CDK15: variants seen among roughly 807,000 people sequenced by gnomAD.
CDK15 encodes the protein cyclin dependent kinase 15, also known as cyclin-dependent kinase 15.
CDK15 carries 62 observed loss-of-function variants against 60.3 expected under a neutral mutation model. That is an observed-to-expected ratio of 1.03 (90% CI 0.84 to 1.27). The LOEUF is 1.27. Among genes scored for constraint, CDK15 ranks in the 50% most tolerant of loss-of-function variants. The pLI is 0.00. For synonymous variants in CDK15, 194 were observed against 195.7 expected (o/e 0.99, Z 0.07); for missense variants, 541 against 527.8 (o/e 1.03, Z -0.25).
intron 3 of CDK15, 50 bp downstream of exon 3, chr2:201,808,002 C>A: frequency 6.7e-7 from 1 of 1,488,900 alleles, no homozygotes; most frequent in South Asian, 1.2e-5. Context: ...GTCCCGCCCC[C>A]CCAATTTCAT....
At chr2:201,891,540 T>C (rs552591577) in intron 13 of CDK15, among the ~76,000 whole-genome samples, 2 of 152,262 alleles carry the variant, frequency 1.3e-5, no homozygotes, top group South Asian at 4.1e-4. Flanking sequence ...GGATGGTTGG[T>C]CACCTTTGTG....
intron 7 of CDK15, among the ~76,000 whole-genome samples, chr2:201,834,760 T>A (rs978556809): frequency 6.6e-6 from 1 of 152,226 alleles, no homozygotes; most frequent in Non-Finnish European, 1.5e-5. Flanking sequence ...GGAACCACTC[T>A]TCTCTGTTTG....
At chr2:201,872,477 C>T in intron 11 of CDK15, 151 bp downstream of exon 11, 1 of 750,182 alleles carries the variant, frequency 1.3e-6, no homozygotes. Flanking sequence ...AAGCGCCAGA[C>T]CCCTGAGAGT....
chr2:201,812,454 G>C (rs771471672), intron 3 of CDK15, 29 bp from the exon 4 acceptor site: 3 of 1,535,500 alleles, frequency 2.0e-6, no homozygotes, highest in Non-Finnish European at 2.7e-6. Context: ...ACCTCAATAA[G>C]TGTGTGCCCC....
chr2:201,807,832 T>C (rs1478492157), intron 2 of CDK15, 26 bp from the exon 3 acceptor site: 1 of 1,590,402 alleles, frequency 6.3e-7, no homozygotes, highest in Non-Finnish European at 8.5e-7. Flanking sequence ...TTTCACCCGC[T>C]CCTTTTCCCC....
intron 4 of CDK15, among the ~76,000 whole-genome samples, chr2:201,816,558 T>C (rs1186063297): frequency 6.7e-6 from 1 of 148,326 alleles, no homozygotes; most frequent in Non-Finnish European, 1.5e-5. Context: ...CTAGGTTGAG[T>C]CCATGTCTTT....
intron 12 of CDK15, among the ~76,000 whole-genome samples, chr2:201,886,163 C>G (rs1192588025): frequency 1.3e-5 from 2 of 152,104 alleles, no homozygotes; most frequent in African/African-American, 4.8e-5. Flanking sequence ...CCACACATCT[C>G]CAGGTAGCGT....
intron 3 of CDK15, among the ~76,000 whole-genome samples, chr2:201,810,860 T>C (rs1441872270): frequency 2.9e-5 from 4 of 139,704 alleles, no homozygotes; most frequent in Non-Finnish European, 4.6e-5. Flanking sequence ...TTTTTTTTTT[T>C]CTCAGATGGA....
intron 11 of CDK15, among the ~76,000 whole-genome samples, chr2:201,878,767 G>A (rs993316035): frequency 3.3e-5 from 5 of 152,198 alleles, no homozygotes; most frequent in African/African-American, 1.2e-4. Flanking sequence ...TGGGCAAGGG[G>A]TCTCTGCTTC....
intron 8 of CDK15, among the ~76,000 whole-genome samples, chr2:201,845,333 T>C (rs1697603792): frequency 6.6e-6 from 1 of 152,210 alleles, no homozygotes; most frequent in South Asian, 2.1e-4. Flanking sequence ...CAGGATAAGA[T>C]ACAAATAAAT....
chr2:201,835,708 C>T lies in CDK15; in HGVS notation c.796C>T (p.Arg266Trp), dbSNP rs138476978. The T allele has an allele frequency of 9.3e-5, 149 of 1,610,804 alleles. 2 individuals are homozygous for T. Among genetic ancestry groups the T allele is most frequent in the South Asian group, 7.9e-4 (72 of 90,718 alleles). ...TTCAGAAGTCGTGACCCTCTGGTACCGGCCCCCTGATGCTTTGCTGGGAGC... is the reference window on the plus strand; with the variant it reads ...TTCAGAAGTCGTGACCCTCTGGTACTGGCCCCCTGATGCTTTGCTGGGAGC... ...YSSEVVTLWY[R>W]PPDALLGATE... is the part of the protein sequence containing the mutation. Residue 266 changes from arginine (R) to tryptophan (W), a missense_variant, in exon 8 of 14, where the codon CGG becomes TGG. By Grantham distance (101) the Arg-to-Trp change is moderately radical. Coordinates refer to ENST00000652192, the MANE Select transcript of CDK15 (RefSeq NM_001366386.2).
intron 4 of CDK15, among the ~76,000 whole-genome samples, chr2:201,819,329 G>C (rs1401864048): frequency 6.6e-6 from 1 of 152,212 alleles, no homozygotes; most frequent in Non-Finnish European, 1.5e-5. Flanking sequence ...TCCTGGGGTG[G>C]AAATGTGTTT....
rs1699701547 is a variant in CDK15, at chr2:201,893,619, G to C, written c.*352G>C. 1 of 152,158 alleles carries C rather than the reference G, an allele frequency of 6.6e-6. No individual in the cohort carries two copies. The highest frequency in any genetic ancestry group is 2.4e-5 in the African/African-American group (1 of 41,448). The allele number at this position is 152,158 out of a possible 1,614,324, so 9.4% of individuals were successfully genotyped here. On this transcript the variant is annotated 3_prime_UTR_variant, in exon 14 of 14. Coordinates refer to ENST00000652192, the MANE Select transcript of CDK15 (RefSeq NM_001366386.2). ...GGCTAGAAGGTTGATTTCCCAAAAA[G>C]ACAGATAAGAGACTGACAATTTAAA...
intron 6 of CDK15, among the ~76,000 whole-genome samples, chr2:201,833,385 G>GT (rs1320069035): frequency 6.6e-6 from 1 of 151,986 alleles, no homozygotes; most frequent in Non-Finnish European, 1.5e-5. Context: ...CTTGTGTTGT[G>GT]TTTTTAAAAG....
rs1699328706 is a variant in CDK15, at chr2:201,882,751, CA to C, written c.1198+2586del. On this transcript the variant is annotated intron_variant, in intron 12 of 13. Coordinates refer to ENST00000652192, the MANE Select transcript of CDK15 (RefSeq NM_001366386.2). The surrounding 1 kb of genome is among the most constrained non-coding windows in gnomAD (Gnocchi z 4.0). ...AGAAATATGTATATAGACAGATGGA[CA>C]AGTAGATAGAAAAAGCAAAGCTACC... 6.6e-6 allele frequency among the ~76,000 whole-genome samples: 1 copy of C among 151,238 alleles called. No homozygotes were observed. The highest frequency in any genetic ancestry group is 1.5e-5 in the Non-Finnish European group (1 of 67,852).
At chr2:201,855,810 A>G (rs1227947625) in intron 10 of CDK15, among the ~76,000 whole-genome samples, 1 of 151,572 alleles carries the variant, frequency 6.6e-6, no homozygotes, top group African/African-American at 2.4e-5. Context: ...AATCTTCCCA[A>G]ATTGTTGTCC....
rs765026907 is a variant in CDK15 at position 201,824,312 on chromosome 2, C to T, written c.606+585C>T. Among the ~76,000 whole-genome samples, 83 of 151,888 alleles carry T rather than the reference C, an allele frequency of 5.5e-4. 2 individuals are homozygous for T. Among genetic ancestry groups the T allele is most frequent in the Admixed American group, 2.6e-3 (39 of 15,264 alleles). ...TTAATTGATTGGCTCTTAAAATAAC[C>T]GTATGAAATTTGTATATGATGTATT... On this transcript the variant is annotated intron_variant, in intron 6 of 13. Transcript: ENST00000652192.
intron 8 of CDK15, among the ~76,000 whole-genome samples, chr2:201,844,386 A>G (rs1697547206): frequency 6.6e-6 from 1 of 152,202 alleles, no homozygotes; most frequent in Non-Finnish European, 1.5e-5. Flanking sequence ...GACCATTGCT[A>G]GCAACCAGGG....
chr2:201,847,906 G>C (rs1395890931), intron 9 of CDK15, among the ~76,000 whole-genome samples: 1 of 152,096 alleles, frequency 6.6e-6, no homozygotes, highest in Non-Finnish European at 1.5e-5. Context: ...AGCACTTTGG[G>C]ATTGCTTTGA....
Sources: allele counts gnomAD v4.1 joint callset (sites outside exome capture counted in the v4.1 genomes callset), GRCh38; gene constraint gnomAD v4.1.1; non-coding constraint Gnocchi (gnomAD v3.1); transcripts MANE v1.5; gene names NCBI Gene and HGNC (gene_info 2026-07-23, HGNC 2026-07-21).